Variants in GFPT2 observed in about 807,000 individuals in gnomAD.
The protein encoded by GFPT2 is glutamine--fructose-6-phosphate transaminase 2, also known as glutamine--fructose-6-phosphate aminotransferase [isomerizing] 2.
In GFPT2, 62 loss-of-function variants were observed where a neutral mutation model predicts 85.6. That is an observed-to-expected ratio of 0.72 (90% CI 0.59 to 0.90). The LOEUF (loss-of-function observed/expected upper bound fraction) is 0.90. GFPT2 is among the 40% of genes least tolerant of loss of function. GFPT2 has a pLI of 0.00. For synonymous variants in GFPT2, 368 were observed against 344.5 expected (o/e 1.07, Z -0.75); for missense variants, 788 against 893.4 (o/e 0.88, Z 1.50).
At chr5:180,333,476 C>T (rs573544431) in intron 4 of GFPT2, among the ~76,000 whole-genome samples, 6 of 152,320 alleles carry the variant, frequency 3.9e-5, no homozygotes, top group South Asian at 2.1e-4. Context: ...CCTCATGGTC[C>T]GCCCGCCTCG....
chr5:180,330,346 T>G lies in GFPT2; in HGVS notation c.534+354A>C, dbSNP rs1010679654. Among the ~76,000 whole-genome samples, 16 of 151,890 alleles carry G rather than the reference T, an allele frequency of 1.1e-4. No homozygotes were observed. The highest frequency in any genetic ancestry group is 3.6e-4 in the African/African-American group (15 of 41,322). ...CAAAAAAGAAAAACCTAGAAACACA[T>G]CCTCGCTTGGTACCACAACTCTCTC... On this transcript the variant is annotated intron_variant, in intron 6 of 18. Coordinates refer to ENST00000253778, the MANE Select transcript of GFPT2 (RefSeq NM_005110.4). The surrounding 1 kb of genome is among the most constrained non-coding windows in gnomAD (Gnocchi z 4.4).
intron 1 of GFPT2, among the ~76,000 whole-genome samples, chr5:180,342,921 G>A (rs1186488041): frequency 1.3e-5 from 2 of 151,720 alleles, no homozygotes; most frequent in Non-Finnish European, 2.9e-5. Flanking sequence ...AAAAAAGGAA[G>A]AAAGAAAGAA....
Position 180,316,860 on chromosome 5 carries a change from C to A in GFPT2, c.1056G>T (p.Val352=). The part of the protein sequence containing the change: ...RGRVNFETNT[V]LLGGLKDHLK... ...AGTGGTCCTTCAAGCCACCCAGGAGCACTGCAGGGCACACGACAAGGCGTT... is the reference window on the plus strand; with the variant it reads ...AGTGGTCCTTCAAGCCACCCAGGAGAACTGCAGGGCACACGACAAGGCGTT... The change falls in exon 12 of 19, where the codon GTG becomes GTT. Residue 352 remains valine, a splice_region_variant and synonymous_variant. Coordinates refer to ENST00000253778, the MANE Select transcript of GFPT2 (RefSeq NM_005110.4). 1 of 1,610,614 alleles carries A rather than the reference C, an allele frequency of 6.2e-7. No individual in the cohort carries two copies. Among genetic ancestry groups the A allele is most frequent in the Non-Finnish European group, 8.5e-7 (1 of 1,176,778 alleles).
intron 14 of GFPT2, among the ~76,000 whole-genome samples, chr5:180,313,497 G>A (rs923877605): frequency 1.3e-5 from 2 of 151,462 alleles, no homozygotes; most frequent in South Asian, 4.2e-4. Context: ...GGCTGAGGCA[G>A]GAGAATGGCG....
At chr5:180,348,947 G>A (rs1484384363) in intron 1 of GFPT2, among the ~76,000 whole-genome samples, 3 of 151,024 alleles carry the variant, frequency 2.0e-5, no homozygotes, top group Non-Finnish European at 4.4e-5. Flanking sequence ...TTACCATGTT[G>A]GCCAGGATGG....
chr5:180,320,538 C>T lies in GFPT2; in HGVS notation c.795-1582G>A, dbSNP rs541023945. Among the ~76,000 whole-genome samples, 522 of 152,050 alleles carry T rather than the reference C, an allele frequency of 3.4e-3. 1 individual carries two copies. Among genetic ancestry groups the T allele is most frequent in the Middle Eastern group, 6.8e-3 (2 of 292 alleles). On this transcript the variant is annotated intron_variant, in intron 9 of 18. Transcript: ENST00000253778. ...CTGTAATCCTAGCACTTTGGGAGAC[C>T]AAGGCGGGAAGATCACCTGAGGTCA...
At chr5:180,350,805 G>A (rs967960398) in intron 1 of GFPT2, among the ~76,000 whole-genome samples, 2 of 152,212 alleles carry the variant, frequency 1.3e-5, no homozygotes, top group African/African-American at 4.8e-5. Flanking sequence ...AACTACTGCC[G>A]AGTCCTGGCT....
chr5:180,339,528 C>A (rs1764469579), intron 1 of GFPT2, among the ~76,000 whole-genome samples: 1 of 152,022 alleles, frequency 6.6e-6, no homozygotes, highest in Non-Finnish European at 1.5e-5. Flanking sequence ...ATTCATATTT[C>A]AAGATAATTT....
At chr5:180,322,111 A>G (rs1388115750) in intron 9 of GFPT2, among the ~76,000 whole-genome samples, 1 of 152,190 alleles carries the variant, frequency 6.6e-6, no homozygotes, top group Non-Finnish European at 1.5e-5. Flanking sequence ...TACAGCACAG[A>G]ATTCACAGAA....
intron 13 of GFPT2, among the ~76,000 whole-genome samples, chr5:180,314,800 C>T (rs1763968837): frequency 1.3e-5 from 2 of 152,174 alleles, no homozygotes; most frequent in African/African-American, 4.8e-5. Context: ...CACCCGCGCC[C>T]TAGGGTTCGA....
chr5:180,347,764 C>T (rs935225825), intron 1 of GFPT2, among the ~76,000 whole-genome samples: 1 of 151,990 alleles, frequency 6.6e-6, no homozygotes, highest in Admixed American at 6.6e-5. Flanking sequence ...AGGTCAGCCA[C>T]ACTAGGGCAC....
At chr5:180,331,198 A>G (rs527783051) in intron 5 of GFPT2, among the ~76,000 whole-genome samples, 13 of 152,366 alleles carry the variant, frequency 8.5e-5, no homozygotes, top group Non-Finnish European at 1.5e-4. Context: ...CCGCCGGTAT[A>G]CGAGTCGCTG....
In GFPT2 at chr5:180,318,632, C is replaced by T. The variant is rs1049219899; in HGVS notation, c.958+161G>A. 6.4e-6 allele frequency: 4 copies of T among 629,312 alleles called. No homozygotes were observed. The highest frequency in any genetic ancestry group is 1.1e-5 in the Non-Finnish European group (4 of 358,840). 39.0% of individuals were successfully genotyped at this position (629,312 alleles called of 1,614,324 possible). A position where few individuals can be genotyped will look rare whatever the true frequency, so the allele number is the denominator to read the frequency against. ...AGGTGCCAGGCCAGCCTCCCCACATCCCCTCACCTGTGCAAGCCACAGGCT... is the reference window on the plus strand; with the variant it reads ...AGGTGCCAGGCCAGCCTCCCCACATTCCCTCACCTGTGCAAGCCACAGGCT... On this transcript the variant is annotated intron_variant, in intron 10 of 18. Coordinates refer to ENST00000253778, the MANE Select transcript of GFPT2 (RefSeq NM_005110.4). The surrounding 1 kb of genome is among the most constrained non-coding windows in gnomAD (Gnocchi z 4.2).
chr5:180,347,284 G>A (rs1041005349), intron 1 of GFPT2, among the ~76,000 whole-genome samples: 2 of 152,224 alleles, frequency 1.3e-5, no homozygotes, highest in African/African-American at 4.8e-5. Flanking sequence ...CCTGGGCCAA[G>A]CATCCTTCCT....
Position 180,340,117 on chromosome 5 carries a change from G to A in GFPT2, c.8-1517C>T, listed in dbSNP as rs535910436. The stretch of plus-strand genomic sequence containing the variant: ...GAGATTCAGTGTCTGGTGAGGGCCC[G>A]TTCCTCACAGACAGTGACTGCTCAT... On this transcript the variant is annotated intron_variant, in intron 1 of 18. Transcript: ENST00000253778. 1.5e-3 allele frequency among the ~76,000 whole-genome samples: 227 copies of A among 152,242 alleles called. 1 individual carries two copies. The highest frequency in any genetic ancestry group is 5.1e-3 in the African/African-American group (210 of 41,546).
intron 1 of GFPT2, among the ~76,000 whole-genome samples, chr5:180,347,577 G>A (rs13172268): frequency 0.034 from 5,144 of 152,156 alleles, 97 homozygotes; most frequent in Middle Eastern, 0.071. Context: ...GCTATATTCT[G>A]GGGCTTCCAG....
chr5:180,324,910 A>T lies in GFPT2; in HGVS notation c.597-15T>A. 1.3e-6 allele frequency: 2 copies of T among 1,564,020 alleles called. No homozygotes were observed. The highest frequency in any genetic ancestry group is 1.8e-6 in the Non-Finnish European group (2 of 1,134,860). On this transcript the variant is annotated splice_polypyrimidine_tract_variant and intron_variant, in intron 7 of 18. Coordinates refer to ENST00000253778, the MANE Select transcript of GFPT2 (RefSeq NM_005110.4). ...GGCTGCCTCTCCTGTAGGGAGAAAG[A>T]GGCATCCCATTACCCATTGCCTTTG...
chr5:180,305,274 C>A (rs1232357863), intron 16 of GFPT2, among the ~76,000 whole-genome samples: 5 of 152,224 alleles, frequency 3.3e-5, no homozygotes, highest in Non-Finnish European at 1.5e-5. Flanking sequence ...TCACCCCCTG[C>A]TCCTCCCTAG....
At chr5:180,332,826 C>T (rs1199825048) in intron 4 of GFPT2, among the ~76,000 whole-genome samples, 1 of 152,208 alleles carries the variant, frequency 6.6e-6, no homozygotes, top group Non-Finnish European at 1.5e-5. Flanking sequence ...AGGCTTGAGC[C>T]ACTGTGCCTG....
Sources: gnomAD v4.1 joint callset for allele counts (sites outside exome capture counted in the v4.1 genomes callset) on GRCh38, gnomAD v4.1.1 for gene constraint, Gnocchi (gnomAD v3.1) non-coding constraint, MANE v1.5 for transcripts, NCBI Gene and HGNC (gene_info 2026-07-23, HGNC 2026-07-21) for gene names.